Variants in SYN3 observed in about 807,000 individuals in gnomAD.
SYN3 encodes synapsin-3.
A neutral mutation model predicts 65.8 loss-of-function variants in SYN3; 35 were observed. That is an observed-to-expected ratio of 0.53 (90% CI 0.41 to 0.70). The LOEUF (loss-of-function observed/expected upper bound fraction) is 0.70. Ranked by LOEUF, SYN3 falls within the 30% of genes least tolerant of loss-of-function variation. The pLI is 0.00. For missense variants in SYN3, 680 were observed against 749.0 expected, an observed-to-expected ratio of 0.91 and a Z score of 1.08; for synonymous variants, 270 against 292.9, an observed-to-expected ratio of 0.92 and a Z score of 0.80.
chr22:32,704,464 C>T (rs1443289370), intron 6 of SYN3, among the ~76,000 whole-genome samples: 1 of 152,146 alleles, frequency 6.6e-6, no homozygotes, highest in Non-Finnish European at 1.5e-5. Flanking sequence ...CAGTCTACCA[C>T]TGATGGGCAT....
At chr22:33,051,644 C>T (rs925304199) in intron 1 of SYN3, among the ~76,000 whole-genome samples, 19 of 151,502 alleles carry the variant, frequency 1.3e-4, no homozygotes, top group Admixed American at 1.2e-3. Context: ...CAGCCTGGGA[C>T]ACCTAGAAAA....
intron 6 of SYN3, among the ~76,000 whole-genome samples, chr22:32,677,002 C>G (rs2060455476): frequency 6.6e-6 from 1 of 152,202 alleles, no homozygotes; most frequent in East Asian, 1.9e-4. Flanking sequence ...AGAACCACGA[C>G]AATTTGAAGT....
chr22:32,955,773 G>C (rs2051434592), intron 3 of SYN3, among the ~76,000 whole-genome samples: 1 of 151,908 alleles, frequency 6.6e-6, no homozygotes, highest in South Asian at 2.1e-4. Flanking sequence ...CACTGGGCTG[G>C]GGAAGGCAGA....
intron 4 of SYN3, among the ~76,000 whole-genome samples, chr22:32,891,228 T>C (rs945475308): frequency 6.6e-6 from 1 of 151,464 alleles, no homozygotes; most frequent in Non-Finnish European, 1.5e-5. Context: ...TCTGGGGGGG[T>C]CAATTTTGCA....
chr22:32,841,467 G>C (rs2047899375), intron 6 of SYN3, among the ~76,000 whole-genome samples: 1 of 152,140 alleles, frequency 6.6e-6, no homozygotes, highest in Non-Finnish European at 1.5e-5. Flanking sequence ...TGGGTGCTAG[G>C]GTGTGCAGTA....
At chr22:32,834,157 CT>C (rs1003501093) in intron 6 of SYN3, among the ~76,000 whole-genome samples, 155 of 144,090 alleles carry the variant, frequency 1.1e-3, no homozygotes, top group South Asian at 1.3e-3. Flanking sequence ...CTGAGCCCAG[CT>C]TTTTTTTTTT....
At chr22:32,638,252 C>G (rs929336737) in intron 6 of SYN3, among the ~76,000 whole-genome samples, 1 of 152,154 alleles carries the variant, frequency 6.6e-6, no homozygotes, top group Non-Finnish European at 1.5e-5. Flanking sequence ...AACTTTGTTA[C>G]TGTGAATAGT....
chr22:32,890,037 C>G (rs1326961279), intron 4 of SYN3, among the ~76,000 whole-genome samples: 1 of 139,488 alleles, frequency 7.2e-6, no homozygotes, highest in Non-Finnish European at 1.6e-5. Flanking sequence ...GTGGTTTCCT[C>G]CATTTGTTCT....
intron 6 of SYN3, among the ~76,000 whole-genome samples, chr22:32,678,284 G>T (rs1169456922): frequency 6.6e-6 from 1 of 152,108 alleles, no homozygotes; most frequent in Non-Finnish European, 1.5e-5. Flanking sequence ...AGGCACCTGC[G>T]GCCCAGTCCA....
rs1479109441 is a variant in SYN3 at position 32,643,553 on chromosome 22, GGGGC to G, written c.712-46821_712-46818del. 6.2e-3 allele frequency among the ~76,000 whole-genome samples: 775 copies of G among 124,290 alleles called. 129 individuals carry two copies. Among genetic ancestry groups the G allele is most frequent in the African/African-American group, 8.1e-3 (247 of 30,414 alleles). The allele number at this position is 124,290 out of a possible 152,430, so 81.5% of individuals were successfully genotyped here. On this transcript the variant is annotated intron_variant, in intron 6 of 13. Coordinates refer to ENST00000358763, the MANE Select transcript of SYN3 (RefSeq NM_003490.4). ...GAGAGGGCAAATTAGAAATGGTGGG[GGGGC>G]GGGGGGGGCAGAACAGACCCATAAA...
At chr22:32,834,228 C>T (rs1050686066) in intron 6 of SYN3, among the ~76,000 whole-genome samples, 1 of 152,122 alleles carries the variant, frequency 6.6e-6, no homozygotes. Flanking sequence ...TCTCGGCTCA[C>T]TGCAGCCTCC....
chr22:32,624,179 G>A (rs1296667181), intron 6 of SYN3, among the ~76,000 whole-genome samples: 1 of 152,236 alleles, frequency 6.6e-6, no homozygotes, highest in Non-Finnish European at 1.5e-5. Context: ...CTGGCTTGGG[G>A]ATTTGGTGGT....
chr22:32,567,935 G>A (rs559620079), intron 7 of SYN3, among the ~76,000 whole-genome samples: 1 of 152,306 alleles, frequency 6.6e-6, no homozygotes, highest in East Asian at 1.9e-4. Flanking sequence ...CAGAGCCATG[G>A]CCATTTTATG....
chr22:33,015,487 T>A, intron 1 of SYN3: 1 of 205,488 alleles, frequency 4.9e-6, no homozygotes. Context: ...TTAATTTAGC[T>A]GACAACCAGT....
At position 32,657,611 on chromosome 22, in the gene SYN3, G is replaced by T. The variant is rs533284731; in HGVS notation, c.712-60875C>A. Among the ~76,000 whole-genome samples the T allele has an allele frequency of 5.4e-4, 82 of 152,336 alleles. 2 individuals carry two copies. The South Asian group carries it at 0.017, about 31-fold the overall frequency. On this transcript the variant is annotated intron_variant, in intron 6 of 13. Transcript: ENST00000358763. ...GCTGCCCGGGCAGAGCAGAGTGGGG[G>T]TGGCATCATTCTGAGAACAAGGCAG...
At chr22:33,056,205 C>A (rs1214326105) in intron 1 of SYN3, among the ~76,000 whole-genome samples, 2 of 152,160 alleles carry the variant, frequency 1.3e-5, no homozygotes, top group East Asian at 3.8e-4. Context: ...AAGCTCCTCA[C>A]AAAAGCTGAC....
At chr22:32,610,378 A>G (rs1159922459) in intron 6 of SYN3, among the ~76,000 whole-genome samples, 2 of 152,040 alleles carry the variant, frequency 1.3e-5, no homozygotes, top group African/African-American at 2.4e-5. Context: ...GAACGTTTTT[A>G]TCACTCAAAA....
chr22:32,670,344 T>C (rs2060343242), intron 6 of SYN3, among the ~76,000 whole-genome samples: 1 of 152,122 alleles, frequency 6.6e-6, no homozygotes, highest in East Asian at 1.9e-4. Flanking sequence ...TGCAAAAAAG[T>C]CTGAGGGAAT....
Position 32,511,461 on chromosome 22 carries a change from G to A in SYN3, c.*2231C>T, listed in dbSNP as rs2057690565. Among the ~76,000 whole-genome samples, 1 of 152,204 alleles carries A rather than the reference G, an allele frequency of 6.6e-6. No individual in the cohort carries two copies. The highest frequency in any genetic ancestry group is 6.5e-5 in the Admixed American group (1 of 15,274). On this transcript the variant is annotated 3_prime_UTR_variant, in exon 14 of 14. Transcript: ENST00000358763. The stretch of plus-strand genomic sequence containing the variant: ...TCTGGATAGGATTCTGCCAGCTCCT[G>A]GCCAGACTAGTTCTGTTGCATTGCA...
Sources: gnomAD v4.1 joint callset for allele counts (sites outside exome capture counted in the v4.1 genomes callset) on GRCh38, gnomAD v4.1.1 for gene constraint, MANE v1.5 for transcripts, NCBI Gene and HGNC (gene_info 2026-07-23, HGNC 2026-07-21) for gene names.